Variants in KCNH3 observed in about 807,000 individuals in gnomAD.
KCNH3 encodes potassium voltage-gated channel subfamily H member 3, also known as voltage-gated inwardly rectifying potassium channel KCNH3.
In KCNH3, 36 loss-of-function variants were observed where a neutral mutation model predicts 95.6. That is an observed-to-expected ratio of 0.38 (90% CI 0.29 to 0.50). The LOEUF (loss-of-function observed/expected upper bound fraction) is 0.50. Among genes scored for constraint, KCNH3 ranks in the 20% least tolerant of loss-of-function variants. The pLI, the probability that KCNH3 is intolerant of heterozygous loss-of-function variation, is 0.95. For synonymous variants in KCNH3, 620 were observed against 646.3 expected (o/e 0.96, Z 0.62); for missense variants, 1,030 against 1,484.1 (o/e 0.69, Z 5.03).
At chr12:49,557,319 C>G (rs374269221) in intron 14 of KCNH3, 35 bp from the exon 15 acceptor site, 1 of 1,613,238 alleles carries the variant, frequency 6.2e-7, no homozygotes, top group Admixed American at 1.7e-5. Context: ...CCATGGCTGA[C>G]TCCATTCTGA....
intron 1 of KCNH3, among the ~76,000 whole-genome samples, chr12:49,540,076 G>A (rs533144637): frequency 4.6e-5 from 7 of 152,300 alleles, no homozygotes; most frequent in South Asian, 2.1e-4. Context: ...GGCGCCCCGA[G>A]CTCTGGATCC....
At chr12:49,556,720 G>A (rs1182684663) in intron 13 of KCNH3, 1 of 690,456 alleles carries the variant, frequency 1.4e-6, no homozygotes, top group African/African-American at 1.8e-5. Flanking sequence ...CTAGCAGTGT[G>A]AATTTGGCTT....
intron 6 of KCNH3, 34 bp from the exon 7 acceptor site, chr12:49,544,141 T>TCCCCACCCC: frequency 7.1e-7 from 1 of 1,413,422 alleles, no homozygotes; most frequent in Non-Finnish European, 9.7e-7. Context: ...CCCGCTGACC[T>TCCCCACCCC]CCCTCCCTCC....
chr12:49,552,552 C>G (rs1565780577), intron 10 of KCNH3, among the ~76,000 whole-genome samples: 2 of 152,200 alleles, frequency 1.3e-5, no homozygotes, highest in Non-Finnish European at 2.9e-5. Context: ...CCTCACCTAC[C>G]TTTTTACTCG....
At chr12:49,540,782 G>A (rs7132792) in intron 1 of KCNH3, 117 bp from the exon 2 acceptor site, 158,799 of 739,860 alleles carry the variant, frequency 0.21, 22,536 homozygotes, top group African/African-American at 0.59. Context: ...CTTAACACAC[G>A]CAGGATTCCT....
At chr12:49,552,733 T>G (rs866914324) in intron 10 of KCNH3, among the ~76,000 whole-genome samples, 3 of 152,196 alleles carry the variant, frequency 2.0e-5, no homozygotes, top group Non-Finnish European at 2.9e-5. Flanking sequence ...CCCTCGGTCC[T>G]GTCCTGTTTC....
In KCNH3 at chr12:49,539,331, CGG is replaced by C. The variant is rs1592495130; in HGVS notation, c.-81_-80del. ...CTGCGCTAGGGAGCGCGGGGCCCGG[CGG>C]GGGGCGGCCGAGCTGGGCGCCCTCC... On this transcript the variant is annotated 5_prime_UTR_variant, in exon 1 of 15. Transcript: ENST00000257981. The surrounding 1 kb of genome is among the most constrained non-coding windows in gnomAD (Gnocchi z 6.7). 1.8e-5 allele frequency: 14 copies of C among 783,336 alleles called. No homozygotes were observed. The East Asian group carries it at 4.4e-4, about 25-fold the overall frequency. The allele number at this position is 783,336 out of a possible 1,614,324, so 48.5% of individuals were successfully genotyped here. A position where few individuals can be genotyped will look rare whatever the true frequency, so the allele number is the denominator to read the frequency against.
At chr12:49,547,695 C>T (rs1938106845) in intron 7 of KCNH3, among the ~76,000 whole-genome samples, 1 of 152,082 alleles carries the variant, frequency 6.6e-6, no homozygotes, top group South Asian at 2.1e-4. Flanking sequence ...GCCACAGGAC[C>T]CATATGCCTG....
chr12:49,548,996 A>G lies in KCNH3; in HGVS notation c.1291A>G (p.Ser431Gly). 1.2e-6 allele frequency: 2 copies of G among 1,611,296 alleles called. No individual in the cohort carries two copies. The highest frequency in any genetic ancestry group is 1.7e-6 in the Non-Finnish European group (2 of 1,179,336). ...NSSGQSDNCS[S>G]SSEANGTGLE... ...CTCCGGCCAGAGTGACAACTGCAGCAGCAGCAGCGAGGCCAACGGGACGGG... is the reference window on the plus strand; with the variant it reads ...CTCCGGCCAGAGTGACAACTGCAGCGGCAGCAGCGAGGCCAACGGGACGGG... The change falls in exon 8 of 15, where the codon AGC (serine) becomes GGC (glycine). Residue 431 changes from serine to glycine, a missense_variant. Physicochemically the swap from Ser to Gly is moderately conservative, Grantham distance 56 (BLOSUM62 0). This residue lies in a region of KCNH3 where 50 missense variants were observed against 41.0 expected (regional missense o/e 1.22). Coordinates refer to ENST00000257981, the MANE Select transcript of KCNH3 (RefSeq NM_012284.3).
At position 49,539,731 on chromosome 12, in the gene KCNH3, G is replaced by T. The variant is rs142759708; in HGVS notation, c.76+239G>T. 6.6e-6 allele frequency among the ~76,000 whole-genome samples: 1 copy of T among 152,284 alleles called. No homozygotes were observed. The highest frequency in any genetic ancestry group is 2.4e-5 in the African/African-American group (1 of 41,558). Reference sequence around the variant, plus strand: ...AACAGGGCCAGAAGTCCCTGGGTGTGGGTCCTGGGATGCTCTCTGTTAGCC... The same window carrying T: ...AACAGGGCCAGAAGTCCCTGGGTGTTGGTCCTGGGATGCTCTCTGTTAGCC... On this transcript the variant is annotated intron_variant, in intron 1 of 14. Coordinates refer to ENST00000257981, the MANE Select transcript of KCNH3 (RefSeq NM_012284.3). The surrounding 1 kb of genome is among the most constrained non-coding windows in gnomAD (Gnocchi z 6.7).
chr12:49,556,284 G>C, intron 12 of KCNH3, 86 bp from the exon 13 acceptor site: 1 of 952,370 alleles, frequency 1.1e-6, no homozygotes, highest in Non-Finnish European at 1.7e-6. Flanking sequence ...CAGCCTGTGT[G>C]TGTGGACGCT....
chr12:49,557,762 T>C lies in KCNH3; in HGVS notation c.3061T>C (p.Ser1021Pro), dbSNP rs781612532. 1.2e-5 allele frequency: 20 copies of C among 1,612,102 alleles called. No homozygotes were observed. The highest frequency in any genetic ancestry group is 3.3e-5 in the Admixed American group (2 of 59,894). ...EPSTPASPPP[S>P]EEGARTGPAE... ...CAGCACCCCTGCCTCCCCTCCTCCT[T>C]CTGAGGAAGGGGCTAGGACTGGGCC... Residue 1021 changes from serine (S) to proline (P), a missense_variant, in exon 15 of 15, where the codon TCT becomes CCT. Transcript: ENST00000257981.
Position 49,548,095 on chromosome 12 carries a change from C to CGTGTGTGTGTGT in KCNH3, c.1190-772_1190-761dup, listed in dbSNP as rs369626063. Among the ~76,000 whole-genome samples the CGTGTGTGTGTGT allele has an allele frequency of 4.0e-3, 591 of 146,688 alleles. 3 individuals carry two copies. Among genetic ancestry groups the CGTGTGTGTGTGT allele is most frequent in the Middle Eastern group, 6.8e-3 (2 of 292 alleles). ...CGTGGCCCGGTCTAGCCTGTGACTA[C>CGTGTGTGTGTGT]GTGTGTGTGTGTGTGTGTGTGTGTG... On this transcript the variant is annotated intron_variant, in intron 7 of 14. Coordinates refer to ENST00000257981, the MANE Select transcript of KCNH3 (RefSeq NM_012284.3).
chr12:49,548,133 T>TGTGTGTGTGCGC (rs1380200472), intron 7 of KCNH3, among the ~76,000 whole-genome samples: 1 of 146,430 alleles, frequency 6.8e-6, no homozygotes, highest in Admixed American at 6.7e-5. Flanking sequence ...TGTGTGTGTG[T>TGTGTGTGTGCGC]GCGCGCGCAC....
At chr12:49,550,503 G>GC (rs1402830484) in intron 10 of KCNH3, among the ~76,000 whole-genome samples, 174 bp downstream of exon 10, 3 of 152,262 alleles carry the variant, frequency 2.0e-5, no homozygotes, top group Non-Finnish European at 4.4e-5. Context: ...CCCAGTGACT[G>GC]CAAGGTGGCA....
At position 49,557,185 on chromosome 12, in the gene KCNH3, A is replaced by C. The variant is rs546095315; in HGVS notation, c.2578A>C (p.Ser860Arg). The C allele has an allele frequency of 1.5e-5, 25 of 1,613,688 alleles. No homozygotes were observed. The highest frequency in any genetic ancestry group is 1.8e-5 in the Non-Finnish European group (21 of 1,179,940). Residue 860 changes from serine to arginine, a missense_variant and splice_region_variant, in exon 14 of 15, where the codon AGC (serine) becomes CGC (arginine). Physicochemically the swap from Ser to Arg is moderately radical, Grantham distance 110. Coordinates refer to ENST00000257981, the MANE Select transcript of KCNH3 (RefSeq NM_012284.3). The stretch of plus-strand genomic sequence containing the variant: ...TAACCCCATCCTACTACCCACAGAG[A>C]GCGGCCTGCTCACTGTTCCCCATGG... Reference protein sequence around the residue: ...CSSSPSPGPESGLLTVPHGPS... With the variant: ...CSSSPSPGPERGLLTVPHGPS...
chr12:49,550,434 G>A, intron 10 of KCNH3, 105 bp downstream of exon 10: 1 of 1,393,794 alleles, frequency 7.2e-7, no homozygotes. Flanking sequence ...CACTGAGAGA[G>A]AAACAGCCAG....
rs920766334 is a variant in KCNH3, at chr12:49,554,834, AG to A, written c.2136+283del. 2.4e-4 allele frequency among the ~76,000 whole-genome samples: 36 copies of A among 152,276 alleles called. 1 individual carries two copies. The highest frequency in any genetic ancestry group is 3.4e-3 in the Middle Eastern group (1 of 294). The stretch of plus-strand genomic sequence containing the variant: ...TAGATGAATGCATCAGTGCTGGCAC[AG>A]GGAGGGGTGGCTCCTGGGGGTCAGG... On this transcript the variant is annotated intron_variant, in intron 11 of 14. Transcript: ENST00000257981.
chr12:49,556,974 G>A, intron 13 of KCNH3, among the ~76,000 whole-genome samples: 1 of 152,158 alleles, frequency 6.6e-6, no homozygotes, highest in East Asian at 1.9e-4. Flanking sequence ...GAGAGCACTA[G>A]GCAGTGTGGC....
Sources: gnomAD v4.1 joint callset for allele counts (sites outside exome capture counted in the v4.1 genomes callset) on GRCh38, gnomAD v4.1.1 for gene constraint, gnomAD v4.1.1 regional missense constraint, Gnocchi (gnomAD v3.1) non-coding constraint, MANE v1.5 for transcripts, NCBI Gene and HGNC (gene_info 2026-07-23, HGNC 2026-07-21) for gene names.